PALM: variants seen among roughly 807,000 people sequenced by gnomAD.
PALM encodes the protein paralemmin.
PALM carries 18 observed loss-of-function variants against 30.7 expected under a neutral mutation model. That is an observed-to-expected ratio of 0.59 (90% CI 0.41 to 0.87). The LOEUF is 0.87. Among genes scored for constraint, PALM ranks in the 40% least tolerant of loss-of-function variants. The pLI is 0.00. For missense variants in PALM, 529 were observed against 555.4 expected, an observed-to-expected ratio of 0.95 and a Z score of 0.48; for synonymous variants, 286 against 242.8, an observed-to-expected ratio of 1.18 and a Z score of -1.66.
chr19:726,183 C>A lies in PALM; in HGVS notation c.51C>A (p.Ala17=), dbSNP rs1303780863. 6.2e-7 allele frequency: 1 copy of A among 1,613,056 alleles called. No homozygotes were observed. The highest frequency in any genetic ancestry group is 8.5e-7 in the Non-Finnish European group (1 of 1,179,754). ...CGTCCCAGCAGGAGCGGCTGCAGGC[C>A]ATCGCAGTGAGTTTCCGCCGCCCCG... The part of the protein sequence containing the change: ...ETTSQQERLQ[A]IAEKRKRQAE... The change falls in exon 2 of 9, where the codon GCC becomes GCA. Residue 17 remains alanine (A), a synonymous_variant. Transcript: ENST00000338448.
rs897397838 is a variant in PALM at position 709,963 on chromosome 19, G to C, written c.5+812G>C. On this transcript the variant is annotated intron_variant, in intron 1 of 8. Coordinates refer to ENST00000338448, the MANE Select transcript of PALM (RefSeq NM_002579.3). This position sits in a 1 kb window ranked among gnomAD's most constrained non-coding sequence, Gnocchi z 4.3. ...CGAGCGAGGGCGCGTGGTCATTTCG[G>C]ACACCGGTCCCCTCCTCCCGGTGCT... is the stretch of plus-strand genomic sequence containing the variant. Among the ~76,000 whole-genome samples the C allele has an allele frequency of 6.6e-6, 1 of 152,152 alleles. No individual in the cohort carries two copies. Among genetic ancestry groups the C allele is most frequent in the Non-Finnish European group, 1.5e-5 (1 of 68,006 alleles).
chr19:726,965 G>GGC, intron 2 of PALM, 43 bp from the exon 3 acceptor site: 6 of 1,037,608 alleles, frequency 5.8e-6, no homozygotes, highest in Admixed American at 2.2e-5. Flanking sequence ...GGGTCTCCGG[G>GGC]ACCCCCACGC....
rs762376900 is a variant in PALM, at chr19:727,654, G to A, written c.229G>A (p.Asp77Asn). 17 of 1,569,682 alleles carry A rather than the reference G, an allele frequency of 1.1e-5. No homozygotes were observed. Among genetic ancestry groups the A allele is most frequent in the Admixed American group, 3.8e-5 (2 of 52,668 alleles). ...DEDLRRQMQDDEQKTRLLEDS... is the reference protein window; with the variant it reads ...DEDLRRQMQDNEQKTRLLEDS... ...GGACCTGAGGAGGCAGATGCAGGACGACGAGCAGAAGACACGGCTGCTGGA... is the reference window on the plus strand; with the variant it reads ...GGACCTGAGGAGGCAGATGCAGGACAACGAGCAGAAGACACGGCTGCTGGA... The change falls in exon 4 of 9, where the codon GAC (aspartate) becomes AAC (asparagine). Residue 77 changes from aspartate to asparagine, a missense_variant. Physicochemically the swap from Asp to Asn is conservative, Grantham distance 23 (BLOSUM62 1). Coordinates refer to ENST00000338448, the MANE Select transcript of PALM (RefSeq NM_002579.3).
At position 731,260 on chromosome 19, in the gene PALM, G is replaced by T. The variant is rs773382717; in HGVS notation, c.420+15G>T. ...ATTCACAGCAGGTAAGGGGGTGACT[G>T]GGGGGAGCGGATCCCCAGGCACCCA... On this transcript the variant is annotated intron_variant, in intron 5 of 8. Coordinates refer to ENST00000338448, the MANE Select transcript of PALM (RefSeq NM_002579.3). The T allele has an allele frequency of 1.3e-6, 2 of 1,589,584 alleles. No homozygotes were observed. The highest frequency in any genetic ancestry group is 1.7e-6 in the Non-Finnish European group (2 of 1,169,166).
At chr19:744,641 C>G (rs1429583284) in intron 8 of PALM, among the ~76,000 whole-genome samples, 1 of 152,172 alleles carries the variant, frequency 6.6e-6, no homozygotes. Context: ...CACCTGTAAT[C>G]CCAGCACTTT....
In PALM at chr19:726,992, C is replaced by A; in HGVS notation, c.58-16C>A. ...CCCCCACGCCCATCCCTGACCCCAC[C>A]CGGCCCTCCCCACAGGAGAAGCGGA... On this transcript the variant is annotated splice_polypyrimidine_tract_variant and intron_variant, in intron 2 of 8. Coordinates refer to ENST00000338448, the MANE Select transcript of PALM (RefSeq NM_002579.3). The A allele has an allele frequency of 3.1e-6, 4 of 1,309,484 alleles. No individual in the cohort carries two copies. The highest frequency in any genetic ancestry group is 4.3e-6 in the Non-Finnish European group (4 of 937,898). 81.1% of individuals were successfully genotyped at this position (1,309,484 alleles called of 1,614,324 possible).
At chr19:740,835 C>T (rs931684256) in intron 8 of PALM, among the ~76,000 whole-genome samples, 8 of 152,248 alleles carry the variant, frequency 5.3e-5, no homozygotes, top group African/African-American at 9.6e-5. Flanking sequence ...CTAAATAATT[C>T]GTTTAAATAA....
chr19:718,784 C>A (rs1172020688), intron 1 of PALM, among the ~76,000 whole-genome samples: 8 of 151,716 alleles, frequency 5.3e-5, no homozygotes, highest in Non-Finnish European at 1.2e-4. Flanking sequence ...CTGATCTTGG[C>A]GGTGGAGAAG....
chr19:720,485 GC>G (rs1350389517), intron 1 of PALM, among the ~76,000 whole-genome samples: 6 of 144,876 alleles, frequency 4.1e-5, no homozygotes, highest in African/African-American at 1.5e-4. Context: ...AGGCGAGGGG[GC>G]GCCCGGGCCT....
chr19:743,302 C>T (rs1433871274), intron 8 of PALM, among the ~76,000 whole-genome samples: 2 of 152,286 alleles, frequency 1.3e-5, no homozygotes, highest in East Asian at 3.9e-4. Flanking sequence ...GTCCTCACCC[C>T]CATCACTCCA....
chr19:740,099 C>T (rs1001692938), intron 7 of PALM, among the ~76,000 whole-genome samples: 8 of 152,184 alleles, frequency 5.3e-5, no homozygotes, highest in African/African-American at 1.2e-4. Flanking sequence ...ACCATCTGGG[C>T]GGACAGCAGG....
chr19:719,230 G>A (rs2032372331), intron 1 of PALM: 2 of 985,522 alleles, frequency 2.0e-6, no homozygotes, highest in Non-Finnish European at 2.4e-6. Context: ...GACAGGGCCC[G>A]CCCTGCTCGC....
At chr19:727,242 C>CTGA (rs1440855341) in intron 3 of PALM, among the ~76,000 whole-genome samples, 154 bp downstream of exon 3, 1,789 of 148,134 alleles carry the variant, frequency 0.012, 60 homozygotes, top group African/African-American at 0.041. Context: ...GACCCCGACC[C>CTGA]CGACCCCGAC....
intron 2 of PALM, 64 bp from the exon 3 acceptor site, chr19:726,944 T>TGGGGGG: frequency 1.2e-6 from 1 of 861,816 alleles, no homozygotes; most frequent in Non-Finnish European, 1.7e-6. Context: ...GAGCCTTGTG[T>TGGGGGG]GGGGGTGGGG....
chr19:732,743 G>A (rs906883969), intron 5 of PALM, among the ~76,000 whole-genome samples: 34 of 151,802 alleles, frequency 2.2e-4, no homozygotes, highest in African/African-American at 7.3e-4. Context: ...CTGAGCTCAC[G>A]TCAGGTGGGA....
intron 1 of PALM, among the ~76,000 whole-genome samples, chr19:724,384 C>T (rs138217930): frequency 1.3e-5 from 2 of 150,600 alleles, no homozygotes; most frequent in African/African-American, 4.9e-5. Flanking sequence ...TGCAGTGGCG[C>T]GATCTCGGCT....
In PALM at chr19:742,033, A is replaced by C. The variant is rs1465937079; in HGVS notation, c.634+1550A>C. On this transcript the variant is annotated intron_variant, in intron 8 of 8. Transcript: ENST00000338448. This position sits in a 1 kb window ranked among gnomAD's most constrained non-coding sequence, Gnocchi z 5.5. ...GGCCTCTTTTTCTTTTATGAGATATAATTCGCAGACCATAAAATTCCGCCT... is the reference window on the plus strand; with the variant it reads ...GGCCTCTTTTTCTTTTATGAGATATCATTCGCAGACCATAAAATTCCGCCT... Among the ~76,000 whole-genome samples, 3 of 152,036 alleles carry C rather than the reference A, an allele frequency of 2.0e-5. No individual in the cohort carries two copies. The highest frequency in any genetic ancestry group is 4.4e-5 in the Non-Finnish European group (3 of 68,012).
intron 1 of PALM, among the ~76,000 whole-genome samples, chr19:721,878 G>A (rs746711143): frequency 3.9e-5 from 6 of 152,010 alleles, no homozygotes; most frequent in African/African-American, 7.2e-5. Context: ...GATTCCAGGC[G>A]TGAGCCACTG....
intron 5 of PALM, among the ~76,000 whole-genome samples, chr19:732,357 G>A (rs191469720): frequency 7.2e-4 from 110 of 152,284 alleles, no homozygotes; most frequent in African/African-American, 2.5e-3. Context: ...TAGTGGAGTC[G>A]GCTGTTAATT....
Sources: gnomAD v4.1 joint callset for allele counts (sites outside exome capture counted in the v4.1 genomes callset) on GRCh38, gnomAD v4.1.1 for gene constraint, Gnocchi (gnomAD v3.1) non-coding constraint, MANE v1.5 for transcripts, NCBI Gene and HGNC (gene_info 2026-07-23, HGNC 2026-07-21) for gene names.